Variants in EPHX4 observed in about 807,000 individuals in gnomAD.
The protein encoded by EPHX4 is epoxide hydrolase 4, also known as abhydrolase domain containing 7.
EPHX4 carries 31 observed loss-of-function variants against 44.9 expected under a neutral mutation model. The observed-to-expected ratio is 0.69, with a 90% CI of 0.52 to 0.93. The LOEUF (loss-of-function observed/expected upper bound fraction) is 0.93, where lower values mean the gene tolerates loss of function less well. EPHX4 is among the 40% of genes least tolerant of loss of function. The pLI is 0.00. For synonymous variants in EPHX4, 151 were observed against 159.7 expected (o/e 0.95, Z 0.41); for missense variants, 373 against 438.1 (o/e 0.85, Z 1.33).
intron 4 of EPHX4, among the ~76,000 whole-genome samples, chr1:92,049,835 A>G (rs1202881527): frequency 1.3e-5 from 2 of 152,294 alleles, no homozygotes; most frequent in Non-Finnish European, 2.9e-5. Flanking sequence ...GTGGTGGCTC[A>G]TGCCTGTAAT....
intron 1 of EPHX4, among the ~76,000 whole-genome samples, 175 bp downstream of exon 1, chr1:92,030,485 T>TGTGTGTGA (rs1326928763): frequency 7.2e-6 from 1 of 138,652 alleles, no homozygotes; most frequent in Non-Finnish European, 1.6e-5. Context: ...TGTGTGTGTG[T>TGTGTGTGA]GAGAGAGAGA....
chr1:92,050,799 T>C (rs1293758984), intron 5 of EPHX4, among the ~76,000 whole-genome samples: 2 of 152,160 alleles, frequency 1.3e-5, no homozygotes, highest in Non-Finnish European at 2.9e-5. Context: ...ACACCAGTAG[T>C]CATATGCAAG....
At chr1:92,036,481 C>T (rs957191396) in intron 2 of EPHX4, among the ~76,000 whole-genome samples, 3 of 152,084 alleles carry the variant, frequency 2.0e-5, no homozygotes, top group African/African-American at 7.2e-5. Context: ...CATTTGCCCC[C>T]GCAAAGTCAA....
At chr1:92,056,109 GT>G (rs1557886314) in intron 6 of EPHX4, among the ~76,000 whole-genome samples, 2 of 152,262 alleles carry the variant, frequency 1.3e-5, no homozygotes, top group East Asian at 3.9e-4. Flanking sequence ...GTTAAATCTA[GT>G]TGGGGGAGAG....
chr1:92,052,395 C>A, intron 5 of EPHX4, 115 bp from the exon 6 acceptor site: 2 of 945,612 alleles, frequency 2.1e-6, no homozygotes, highest in Non-Finnish European at 3.2e-6. Context: ...TTGGCTAGAG[C>A]AGAAATTAGG....
intron 5 of EPHX4, 73 bp downstream of exon 5, chr1:92,050,493 A>G (rs1025526677): frequency 4.7e-5 from 39 of 825,872 alleles, no homozygotes; most frequent in Non-Finnish European, 2.3e-5. Flanking sequence ...GTCCACGTTT[A>G]AGAAGAATAA....
chr1:92,046,723 A>G (rs1158952108), intron 4 of EPHX4, among the ~76,000 whole-genome samples: 1 of 152,114 alleles, frequency 6.6e-6, no homozygotes, highest in African/African-American at 2.4e-5. Context: ...CAGCCTCCTA[A>G]AGTGCTGGGA....
intron 5 of EPHX4, among the ~76,000 whole-genome samples, chr1:92,052,055 G>A (rs1647269946): frequency 6.6e-6 from 1 of 152,076 alleles, no homozygotes; most frequent in African/African-American, 2.4e-5. Flanking sequence ...TCTTTTGGAT[G>A]CCCAAATTAT....
At chr1:92,061,650 T>G (rs1647501331) in intron 6 of EPHX4, among the ~76,000 whole-genome samples, 1 of 152,160 alleles carries the variant, frequency 6.6e-6, no homozygotes, top group African/African-American at 2.4e-5. Flanking sequence ...AAATATTCAA[T>G]TATAGGGGAA....
rs538498954 is a variant in EPHX4, at chr1:92,055,761, A to G, written c.857+3103A>G. On this transcript the variant is annotated intron_variant, in intron 6 of 6. Transcript: ENST00000370383. ...AAGTCTTTTTTTATATTCAAGAAAA[A>G]AGATTTAAAATCTTAATTTTGGATA... is the stretch of plus-strand genomic sequence containing the variant. Among the ~76,000 whole-genome samples, 230 of 152,302 alleles carry G rather than the reference A, an allele frequency of 1.5e-3. 1 individual carries two copies. The highest frequency in any genetic ancestry group is 5.2e-3 in the African/African-American group (218 of 41,580).
At chr1:92,054,553 A>C (rs1647323805) in intron 6 of EPHX4, among the ~76,000 whole-genome samples, 1 of 146,246 alleles carries the variant, frequency 6.8e-6, no homozygotes, top group African/African-American at 2.6e-5. Flanking sequence ...ACGCCACTGC[A>C]CTCCAGCCTG....
chr1:92,030,440 G>A, intron 1 of EPHX4, 130 bp downstream of exon 1: 1 of 709,690 alleles, frequency 1.4e-6, no homozygotes, highest in Non-Finnish European at 2.2e-6. Flanking sequence ...GGGAGGAGGG[G>A]TTGGGTCCCT....
chr1:92,050,075 G>A (rs770566077), intron 4 of EPHX4, among the ~76,000 whole-genome samples: 4 of 151,364 alleles, frequency 2.6e-5, no homozygotes, highest in African/African-American at 7.3e-5. Flanking sequence ...CTCCAGCCTG[G>A]GCAACAGAGC....
At chr1:92,058,793 C>T (rs1046518303) in intron 6 of EPHX4, among the ~76,000 whole-genome samples, 137 of 152,134 alleles carry the variant, frequency 9.0e-4, no homozygotes, top group African/African-American at 3.3e-3. Flanking sequence ...GATACAAAAC[C>T]TCTATTAAAA....
intron 6 of EPHX4, 133 bp downstream of exon 6, chr1:92,052,791 T>C (rs1242135736): frequency 1.7e-5 from 13 of 771,178 alleles, no homozygotes; most frequent in Non-Finnish European, 2.5e-5. Flanking sequence ...TTTAGTAAGT[T>C]GCATAATCTT....
chr1:92,060,357 T>A (rs1392691372), intron 6 of EPHX4, among the ~76,000 whole-genome samples: 1 of 151,500 alleles, frequency 6.6e-6, no homozygotes, highest in Non-Finnish European at 1.5e-5. Flanking sequence ...AAGGCTGCAG[T>A]GAGCTATGTT....
At chr1:92,032,171 A>G (rs1688370028) in intron 1 of EPHX4, among the ~76,000 whole-genome samples, 2 of 152,238 alleles carry the variant, frequency 1.3e-5, no homozygotes, top group African/African-American at 4.8e-5. Context: ...TGAAAGTTAC[A>G]AATTGTGACA....
At chr1:92,049,551 T>G (rs1276388833) in intron 4 of EPHX4, among the ~76,000 whole-genome samples, 1 of 152,218 alleles carries the variant, frequency 6.6e-6, no homozygotes, top group East Asian at 1.9e-4. Context: ...AAATATTCAT[T>G]GAATGAATGA....
At chr1:92,062,119 A>G (rs1647510142) in intron 6 of EPHX4, among the ~76,000 whole-genome samples, 1 of 152,234 alleles carries the variant, frequency 6.6e-6, no homozygotes, top group African/African-American at 2.4e-5. Context: ...ATATAGTATC[A>G]TGTAATATTA....
Sources: gnomAD v4.1 joint callset for allele counts (sites outside exome capture counted in the v4.1 genomes callset) on GRCh38, gnomAD v4.1.1 for gene constraint, MANE v1.5 for transcripts, NCBI Gene and HGNC (gene_info 2026-07-23, HGNC 2026-07-21) for gene names.